The following RHBDL2 variants were observed in gnomAD, a reference collection of about 807,000 sequenced individuals.
RHBDL2 encodes rhomboid like 2, also known as rhomboid-related protein 2.
Under a neutral mutation model 31.7 loss-of-function variants are expected in RHBDL2, and 26 were observed. The observed-to-expected ratio is 0.82, with a 90% CI of 0.60 to 1.14. RHBDL2 has a LOEUF of 1.14. Among genes scored for constraint, RHBDL2 ranks in the 50% most tolerant of loss-of-function variants. The probability of loss-of-function intolerance (pLI) is 0.00; values close to 1 mark genes in which losing one functional copy is unlikely to be tolerated. For missense variants in RHBDL2, 336 were observed against 364.4 expected, an observed-to-expected ratio of 0.92 and a Z score of 0.63; for synonymous variants, 123 against 127.2, an observed-to-expected ratio of 0.97 and a Z score of 0.22.
intron 5 of RHBDL2, among the ~76,000 whole-genome samples, chr1:38,894,707 C>CTTTTTTTTTTTTTTTTTTTTTTTT (rs71057159): frequency 1.1e-4 from 13 of 114,188 alleles, no homozygotes; most frequent in African/African-American, 2.5e-4. Flanking sequence ...CTTTTTTTTT[C>CTTTTTTTTTTTTTTTTTTTTTTTT]TTTTTTTTTT....
rs192228359 is a variant in RHBDL2 at position 38,905,821 on chromosome 1, A to G, written c.508+5501T>C. Among the ~76,000 whole-genome samples the G allele has an allele frequency of 1.3e-3, 201 of 151,908 alleles. 2 individuals are homozygous for G. The highest frequency in any genetic ancestry group is 4.8e-3 in the African/African-American group (197 of 41,442). ...AGTTGCTCACACCTCTAATCCCAGC[A>G]CTTTGGGAGGCCAAGGCAGGCAGAT... On this transcript the variant is annotated intron_variant, in intron 4 of 7. Transcript: ENST00000372990.
chr1:38,921,295 C>T (rs1643311568), intron 1 of RHBDL2, among the ~76,000 whole-genome samples: 1 of 152,174 alleles, frequency 6.6e-6, no homozygotes, highest in African/African-American at 2.4e-5. Flanking sequence ...GCAGGAGAAT[C>T]GCTTGAACCT....
chr1:38,927,251 C>T (rs547418506), intron 1 of RHBDL2, among the ~76,000 whole-genome samples: 8 of 152,240 alleles, frequency 5.3e-5, no homozygotes, highest in African/African-American at 1.4e-4. Flanking sequence ...CATGGTGAAA[C>T]CCCGTCTCTA....
intron 1 of RHBDL2, among the ~76,000 whole-genome samples, chr1:38,934,382 C>A (rs1416009706): frequency 1.3e-5 from 2 of 151,058 alleles, no homozygotes; most frequent in African/African-American, 4.9e-5. Context: ...AATGGCCCGG[C>A]AGGGTGGCTC....
At position 38,918,970 on chromosome 1, in the gene RHBDL2, G is replaced by A. The variant is rs753364943; in HGVS notation, c.243C>T (p.Ala81=). Residue 81 remains alanine, a synonymous_variant, in exon 2 of 8, where the codon GCC becomes GCT. Transcript: ENST00000372990. The part of the protein sequence containing the change: ...PPVFIISISL[A]ELAVFIYYAV... ...GCCCACCCCGCTCCCCATTCACCTC[G>A]GCCAGGCTGATGGAGATGATGAACA... The A allele has an allele frequency of 9.3e-6, 15 of 1,611,298 alleles. No individual in the cohort carries two copies. The highest frequency in any genetic ancestry group is 4.5e-5 in the East Asian group (2 of 44,840).
rs534544995 is a variant in RHBDL2, at chr1:38,905,463, C to T, written c.508+5859G>A. 2.6e-4 allele frequency among the ~76,000 whole-genome samples: 38 copies of T among 147,706 alleles called. No individual in the cohort carries two copies. In the South Asian group the frequency reaches 6.0e-3, roughly 23 times the overall value. On this transcript the variant is annotated intron_variant, in intron 4 of 7. Transcript: ENST00000372990. ...GTAAAGAGCACCTACAAAAAACTTACAGTTGGCTGGGCATGGTGGCTCATG... is the reference window on the plus strand; with the variant it reads ...GTAAAGAGCACCTACAAAAAACTTATAGTTGGCTGGGCATGGTGGCTCATG...
chr1:38,918,200 A>G (rs1208841455), intron 2 of RHBDL2, among the ~76,000 whole-genome samples: 1 of 152,220 alleles, frequency 6.6e-6, no homozygotes, highest in Non-Finnish European at 1.5e-5. Flanking sequence ...TTTTCTGAAG[A>G]ACTCTTGACT....
chr1:38,934,910 A>G (rs532312426), intron 1 of RHBDL2, among the ~76,000 whole-genome samples: 1 of 151,864 alleles, frequency 6.6e-6, no homozygotes, highest in African/African-American at 2.4e-5. Flanking sequence ...GTGAGCTGAG[A>G]TCATGCCACT....
At chr1:38,904,285 G>A (rs1005011414) in intron 4 of RHBDL2, among the ~76,000 whole-genome samples, 10 of 151,670 alleles carry the variant, frequency 6.6e-5, no homozygotes, top group African/African-American at 1.9e-4. Flanking sequence ...TCTGGCCAAC[G>A]TAGTGAAACC....
intron 4 of RHBDL2, among the ~76,000 whole-genome samples, chr1:38,908,807 T>C (rs1643102902): frequency 6.6e-6 from 1 of 152,200 alleles, no homozygotes; most frequent in Admixed American, 6.5e-5. Flanking sequence ...AGCTCAATTA[T>C]ACTTGTGCCT....
At chr1:38,890,061 G>A (rs976735446) in intron 6 of RHBDL2, among the ~76,000 whole-genome samples, 1 of 147,062 alleles carries the variant, frequency 6.8e-6, no homozygotes, top group Non-Finnish European at 1.5e-5. Context: ...TTTTCAAGAC[G>A]CAGTCTCACT....
intron 2 of RHBDL2, among the ~76,000 whole-genome samples, chr1:38,916,710 C>CA (rs71057163): frequency 0.014 from 2,027 of 145,632 alleles, 61 homozygotes; most frequent in African/African-American, 0.048. Context: ...AACAAACAAA[C>CA]AAAAAAAAAA....
chr1:38,923,514 T>C (rs1643339916), intron 1 of RHBDL2, among the ~76,000 whole-genome samples: 1 of 152,214 alleles, frequency 6.6e-6, no homozygotes, highest in Non-Finnish European at 1.5e-5. Context: ...TTGTCATTAA[T>C]TTTGTCCTTC....
At chr1:38,931,201 G>C (rs1643435155) in intron 1 of RHBDL2, among the ~76,000 whole-genome samples, 1 of 152,154 alleles carries the variant, frequency 6.6e-6, no homozygotes. Flanking sequence ...TTTGGATTCA[G>C]AGGGTCTGGG....
intron 5 of RHBDL2, among the ~76,000 whole-genome samples, chr1:38,894,118 TAAC>T (rs1323068469): frequency 6.6e-6 from 1 of 152,194 alleles, no homozygotes; most frequent in Non-Finnish European, 1.5e-5. Context: ...ATAATTTACA[TAAC>T]AACCCAGTAC....
rs779608504 is a variant in RHBDL2, at chr1:38,915,550, A to G, written c.395+12T>C. The G allele has an allele frequency of 6.2e-7, 1 of 1,613,714 alleles. No individual in the cohort carries two copies. Among genetic ancestry groups the G allele is most frequent in the Middle Eastern group, 1.7e-4 (1 of 6,060 alleles). On this transcript the variant is annotated intron_variant, in intron 3 of 7. Transcript: ENST00000372990. Reference sequence around the variant, plus strand: ...CACCTCTGATACCAGGGGCTTAACTATCATTGCTTACCCAGCATGTACCAG... The same window carrying G: ...CACCTCTGATACCAGGGGCTTAACTGTCATTGCTTACCCAGCATGTACCAG...
At chr1:38,934,487 T>G (rs774670102) in intron 1 of RHBDL2, among the ~76,000 whole-genome samples, 1 of 150,798 alleles carries the variant, frequency 6.6e-6, no homozygotes, top group Non-Finnish European at 1.5e-5. Context: ...AAACCCCGTC[T>G]CTACTAAAAA....
intron 1 of RHBDL2, among the ~76,000 whole-genome samples, chr1:38,939,575 G>T (rs1184940521): frequency 6.6e-6 from 1 of 152,116 alleles, no homozygotes; most frequent in Non-Finnish European, 1.5e-5. Context: ...TATTCAGGAG[G>T]CTGAGGTGAG....
chr1:38,928,736 G>A (rs1176311315), intron 1 of RHBDL2, among the ~76,000 whole-genome samples: 2 of 152,006 alleles, frequency 1.3e-5, no homozygotes, highest in Non-Finnish European at 2.9e-5. Context: ...ATGAACCACT[G>A]TGCCTGGCCA....
Sources: gnomAD v4.1 joint callset for allele counts (sites outside exome capture counted in the v4.1 genomes callset) on GRCh38, gnomAD v4.1.1 for gene constraint, MANE v1.5 for transcripts, NCBI Gene and HGNC (gene_info 2026-07-23, HGNC 2026-07-21) for gene names.